The following AFG1L variants were observed in gnomAD, a reference collection of about 807,000 sequenced individuals.
AFG1L encodes the protein AFG1 like ATPase.
In AFG1L, 53 loss-of-function variants were observed where a neutral mutation model predicts 62.2. The observed-to-expected ratio is 0.85, with a 90% confidence interval of 0.68 to 1.07. The LOEUF is 1.07. AFG1L is among the 50% of genes least tolerant of loss of function. AFG1L has a pLI of 0.00. For synonymous variants in AFG1L, 228 were observed against 210.3 expected (o/e 1.08, Z -0.73); for missense variants, 555 against 590.5 (o/e 0.94, Z 0.62).
At chr6:108,485,946 T>C (rs1044622567) in intron 10 of AFG1L, among the ~76,000 whole-genome samples, 1 of 151,746 alleles carries the variant, frequency 6.6e-6, no homozygotes, top group African/African-American at 2.4e-5. Context: ...GTGCTGGGAT[T>C]ACAGGCATGA....
chr6:108,325,753 T>C (rs566531304), intron 2 of AFG1L, among the ~76,000 whole-genome samples: 8 of 152,202 alleles, frequency 5.3e-5, no homozygotes, highest in African/African-American at 1.9e-4. Flanking sequence ...CCCAAAGTGC[T>C]GGGATTACAG....
chr6:108,374,464 T>A (rs1182782210), intron 6 of AFG1L, among the ~76,000 whole-genome samples: 1 of 152,216 alleles, frequency 6.6e-6, no homozygotes, highest in African/African-American at 2.4e-5. Context: ...ATTCTTATAG[T>A]TTGAAGTCTT....
At chr6:108,488,822 A>G (rs1439337066) in intron 10 of AFG1L, among the ~76,000 whole-genome samples, 1 of 152,172 alleles carries the variant, frequency 6.6e-6, no homozygotes, top group Non-Finnish European at 1.5e-5. Context: ...ATTGCACTCC[A>G]GCCTGGGTGA....
At chr6:108,511,438 G>T (rs1013389433) in intron 11 of AFG1L, among the ~76,000 whole-genome samples, 3 of 152,116 alleles carry the variant, frequency 2.0e-5, no homozygotes, top group Non-Finnish European at 4.4e-5. Flanking sequence ...TATCCTAAAG[G>T]CCATCTTAAT....
chr6:108,379,823 T>C (rs996219004), intron 6 of AFG1L, among the ~76,000 whole-genome samples: 6 of 152,172 alleles, frequency 3.9e-5, no homozygotes, highest in Admixed American at 3.3e-4. Flanking sequence ...CTATGATCTA[T>C]ACCCAGGAAG....
At chr6:108,350,215 A>G (rs1455763969) in intron 3 of AFG1L, among the ~76,000 whole-genome samples, 1 of 152,056 alleles carries the variant, frequency 6.6e-6, no homozygotes, top group Non-Finnish European at 1.5e-5. Context: ...AAATAAATAC[A>G]TAAGTAAATA....
At chr6:108,348,840 A>G (rs1367663814) in intron 3 of AFG1L, among the ~76,000 whole-genome samples, 1 of 152,202 alleles carries the variant, frequency 6.6e-6, no homozygotes, top group Non-Finnish European at 1.5e-5. Context: ...TCCTCCTGTT[A>G]CCTTAACCAC....
chr6:108,354,349 G>A (rs1387507148), intron 3 of AFG1L, among the ~76,000 whole-genome samples: 5 of 150,976 alleles, frequency 3.3e-5, no homozygotes, highest in Non-Finnish European at 5.9e-5. Context: ...CTCTCTTGTC[G>A]CCCAGGCTGG....
At chr6:108,326,519 A>G (rs1778050466) in intron 2 of AFG1L, among the ~76,000 whole-genome samples, 1 of 152,192 alleles carries the variant, frequency 6.6e-6, no homozygotes, top group South Asian at 2.1e-4. Flanking sequence ...AGAAAACATT[A>G]ATAGTAGTAA....
At chr6:108,318,687 G>A (rs1009644890) in intron 1 of AFG1L, among the ~76,000 whole-genome samples, 3 of 152,184 alleles carry the variant, frequency 2.0e-5, no homozygotes, top group African/African-American at 7.2e-5. Context: ...GGAGAATATA[G>A]TGAAATAAGG....
At chr6:108,446,184 A>G (rs1305480085) in intron 7 of AFG1L, among the ~76,000 whole-genome samples, 11 of 152,010 alleles carry the variant, frequency 7.2e-5, no homozygotes, top group African/African-American at 2.7e-4. Flanking sequence ...TTGCTCTCAA[A>G]GTAAGAATTT....
intron 6 of AFG1L, among the ~76,000 whole-genome samples, chr6:108,367,106 G>A (rs966978655): frequency 1.3e-5 from 2 of 151,946 alleles, no homozygotes; most frequent in African/African-American, 2.4e-5. Context: ...TTTACCCATA[G>A]CACTATGGAC....
At chr6:108,452,636 C>G (rs942086754) in intron 8 of AFG1L, among the ~76,000 whole-genome samples, 1 of 152,084 alleles carries the variant, frequency 6.6e-6, no homozygotes, top group Non-Finnish European at 1.5e-5. Flanking sequence ...AATAGGTTTG[C>G]CTTTTATTAT....
rs1352095877 is a variant in AFG1L, at chr6:108,295,059, T to C, written c.-21T>C. The C allele has an allele frequency of 5.6e-6, 9 of 1,609,234 alleles. No individual in the cohort carries two copies. Among genetic ancestry groups the C allele is most frequent in the Non-Finnish European group, 7.6e-6 (9 of 1,179,932 alleles). On this transcript the variant is annotated 5_prime_UTR_variant, in exon 1 of 13. Transcript: ENST00000368977. Reference sequence around the variant, plus strand: ...GGTTCCAATAAAGTTTTCCTCTTCCTCTCCTCGTACGGAGTTCAAGATGGC... The same window carrying C: ...GGTTCCAATAAAGTTTTCCTCTTCCCCTCCTCGTACGGAGTTCAAGATGGC...
intron 8 of AFG1L, among the ~76,000 whole-genome samples, chr6:108,467,834 T>G (rs1333803730): frequency 6.6e-6 from 1 of 152,226 alleles, no homozygotes; most frequent in African/African-American, 2.4e-5. Context: ...GAATAACTTA[T>G]GGTTTCAGGA....
intron 7 of AFG1L, among the ~76,000 whole-genome samples, chr6:108,419,277 T>C (rs575757831): frequency 1.2e-4 from 19 of 152,288 alleles, no homozygotes; most frequent in African/African-American, 4.6e-4. Context: ...GATCTTAATA[T>C]CAGTAATTTA....
chr6:108,377,209 CTT>C (rs1780286744), intron 6 of AFG1L, among the ~76,000 whole-genome samples: 1 of 152,268 alleles, frequency 6.6e-6, no homozygotes, highest in South Asian at 2.1e-4. Context: ...ACTTGCCACT[CTT>C]TGCCTTGTAA....
At chr6:108,360,629 G>C (rs1337254670) in intron 5 of AFG1L, among the ~76,000 whole-genome samples, 1 of 152,134 alleles carries the variant, frequency 6.6e-6, no homozygotes, top group Non-Finnish European at 1.5e-5. Flanking sequence ...GCAAGAAAAG[G>C]CTGATATCTG....
intron 8 of AFG1L, among the ~76,000 whole-genome samples, chr6:108,476,329 C>T (rs1582640010): frequency 1.3e-5 from 2 of 152,160 alleles, no homozygotes; most frequent in South Asian, 4.1e-4. Flanking sequence ...TATAATTGTC[C>T]TTATACTAGA....
Sources: gnomAD v4.1 joint callset for allele counts (sites outside exome capture counted in the v4.1 genomes callset) on GRCh38, gnomAD v4.1.1 for gene constraint, MANE v1.5 for transcripts, NCBI Gene and HGNC (gene_info 2026-07-23, HGNC 2026-07-21) for gene names.